Variants in FAM199X observed in about 807,000 individuals in gnomAD.
FAM199X encodes family with sequence similarity 199, X-linked.
Under a neutral mutation model 22.9 loss-of-function variants are expected in FAM199X, and 4 were observed. The observed-to-expected ratio is 0.17, with a 90% CI of 0.09 to 0.40. The LOEUF is 0.40. FAM199X is among the 10% of genes least tolerant of loss of function. FAM199X has a pLI of 1.00. For missense variants in FAM199X, 183 were observed against 306.8 expected, an observed-to-expected ratio of 0.60 and a Z score of 3.01; for synonymous variants, 101 against 112.3, an observed-to-expected ratio of 0.90 and a Z score of 0.64.
intron 1 of FAM199X, among the ~76,000 whole-genome samples, chrX:104,167,221 C>A (rs1556374229): frequency 9.5e-6 from 1 of 105,535 alleles, no homozygotes; most frequent in African/African-American, 3.5e-5. Context: ...AGCGACTCCT[C>A]CCTTCCCTAC....
At position 104,168,220 on chromosome X, in the gene FAM199X, T is replaced by C. The variant is rs1213806848; in HGVS notation, c.197+1238T>C. 1.9e-4 allele frequency among the ~76,000 whole-genome samples: 21 copies of C among 112,341 alleles called. No individual in the cohort carries two copies. The Admixed American group carries it at 2.0e-3, about 11-fold the overall frequency. On this transcript the variant is annotated intron_variant, in intron 1 of 5. Coordinates refer to ENST00000493442, the MANE Select transcript of FAM199X (RefSeq NM_207318.4). ...CATCTCAAAAGGAAGTGGCAGTAAATTTATTATGACTACTCTAAATCGTCA... is the reference window on the plus strand; with the variant it reads ...CATCTCAAAAGGAAGTGGCAGTAAACTTATTATGACTACTCTAAATCGTCA...
intron 1 of FAM199X, among the ~76,000 whole-genome samples, chrX:104,169,561 A>G (rs1424862527): frequency 1.8e-5 from 2 of 110,864 alleles, no homozygotes; most frequent in Non-Finnish European, 3.8e-5. Flanking sequence ...AATGGTTGCA[A>G]TATTCAGATT....
At chrX:104,167,128 C>T in intron 1 of FAM199X, 146 bp downstream of exon 1, 1 of 474,199 alleles carries the variant, frequency 2.1e-6, no homozygotes, top group Non-Finnish European at 3.2e-6. Context: ...TTCCCTGCCC[C>T]CCCTCCCTAT....
At chrX:104,180,697 T>C (rs1556377640) in intron 2 of FAM199X, among the ~76,000 whole-genome samples, 2 of 112,133 alleles carry the variant, frequency 1.8e-5, no homozygotes, top group Non-Finnish European at 3.8e-5. Context: ...GTCTTGTATT[T>C]GTGGGATTTT....
In FAM199X at chrX:104,192,870, A is replaced by T. The variant is rs1192350487; in HGVS notation, c.*3092A>T. 1 of 111,744 alleles carries T rather than the reference A, an allele frequency of 8.9e-6. No homozygotes were observed. Among genetic ancestry groups the T allele is most frequent in the East Asian group, 2.8e-4 (1 of 3,601 alleles). The allele number at this position is 111,744 out of a possible 1,213,427, so 9.2% of individuals were successfully genotyped here. On this transcript the variant is annotated 3_prime_UTR_variant, in exon 6 of 6. Transcript: ENST00000493442. Reference sequence around the variant, plus strand: ...CTTCTCATTTTATTTAGCTTTTAAAAGTGCTAAATCCTCTCATAAAGGAAA... The same window carrying T: ...CTTCTCATTTTATTTAGCTTTTAAATGTGCTAAATCCTCTCATAAAGGAAA...
intron 2 of FAM199X, among the ~76,000 whole-genome samples, chrX:104,182,317 CTATT>C (rs782152920): frequency 1.8e-5 from 2 of 111,013 alleles, no homozygotes; most frequent in Admixed American, 9.6e-5. Flanking sequence ...TTTTTCCTAT[CTATT>C]CCCATTTTTC....
the FAM199X span, among the ~76,000 whole-genome samples, chrX:104,160,845 C>T: frequency 9.0e-6 from 1 of 111,229 alleles, no homozygotes; most frequent in Non-Finnish European, 1.9e-5. Context: ...CATCTAGCAT[C>T]TCCTCCAAAG....
the FAM199X span, among the ~76,000 whole-genome samples, chrX:104,159,505 T>C: frequency 8.9e-6 from 1 of 112,779 alleles, no homozygotes; most frequent in Middle Eastern, 4.6e-3. Flanking sequence ...GTCGTACTCA[T>C]AGCATATTTT....
rs1556379569 is a variant in FAM199X, at chrX:104,188,037, A to G, written c.730-3A>G. 8.3e-7 allele frequency: 1 copy of G among 1,208,571 alleles called. No homozygotes were observed. The highest frequency in any genetic ancestry group is 1.8e-5 in the South Asian group (1 of 56,937). Reference sequence around the variant, plus strand: ...TAACCAGTTTGTGTTTGTGCATCCCAAGGTCAGAAACTATATCAAGGAACA... The same window carrying G: ...TAACCAGTTTGTGTTTGTGCATCCCGAGGTCAGAAACTATATCAAGGAACA... On this transcript the variant is annotated splice_region_variant and splice_polypyrimidine_tract_variant and intron_variant, in intron 4 of 5. Transcript: ENST00000493442.
intron 1 of FAM199X, among the ~76,000 whole-genome samples, chrX:104,168,055 C>G (rs1921258705): frequency 8.9e-6 from 1 of 111,859 alleles, no homozygotes; most frequent in Admixed American, 9.5e-5. Context: ...TCTCCCCTCC[C>G]TTCCCTTAAA....
intron 1 of FAM199X, among the ~76,000 whole-genome samples, chrX:104,174,579 T>C (rs1428907716): frequency 1.8e-5 from 2 of 111,652 alleles, no homozygotes; most frequent in Non-Finnish European, 3.8e-5. Flanking sequence ...ATTTCTAATA[T>C]TAAAAAATTA....
chrX:104,169,113 A>G (rs1556374783), intron 1 of FAM199X, among the ~76,000 whole-genome samples: 1 of 111,769 alleles, frequency 8.9e-6, no homozygotes, highest in African/African-American at 3.3e-5. Context: ...TGAGAGGACC[A>G]TAGGCTTCCA....
At chrX:104,187,993 G>T in intron 4 of FAM199X, 47 bp from the exon 5 acceptor site, 1 of 1,177,208 alleles carries the variant, frequency 8.5e-7, no homozygotes, top group South Asian at 1.8e-5. Context: ...TTTGAAGGTA[G>T]AACATCAAGG....
chrX:104,167,087 T>G (rs1556374188), intron 1 of FAM199X, 105 bp downstream of exon 1: 2 of 667,839 alleles, frequency 3.0e-6, no homozygotes, highest in Non-Finnish European at 4.0e-6. Flanking sequence ...CTCCCCCACC[T>G]GCTTTCGACC....
intron 1 of FAM199X, among the ~76,000 whole-genome samples, chrX:104,174,685 A>G (rs371799095): frequency 8.9e-6 from 1 of 111,859 alleles, no homozygotes. Flanking sequence ...TTTTCAAGTA[A>G]TATACTTAGG....
intron 2 of FAM199X, among the ~76,000 whole-genome samples, chrX:104,183,987 T>C (rs1921731034): frequency 8.9e-6 from 1 of 111,919 alleles, no homozygotes; most frequent in South Asian, 3.7e-4. Context: ...TATTTCTTTG[T>C]GATTGATTCC....
chrX:104,176,265 T>C (rs1441348595), intron 2 of FAM199X, among the ~76,000 whole-genome samples: 5 of 111,858 alleles, frequency 4.5e-5, no homozygotes, highest in African/African-American at 1.6e-4. Context: ...ATCAGAAATA[T>C]ATAATTTCTC....
At chrX:104,165,478 G>A (rs1420349091), upstream of FAM199X, among the ~76,000 whole-genome samples, 1 of 111,729 alleles carries the variant, frequency 9.0e-6, no homozygotes, top group African/African-American at 3.3e-5. Context: ...AAGGATCAAT[G>A]TAGTTTCTTC....
intron 1 of FAM199X, among the ~76,000 whole-genome samples, chrX:104,169,225 CA>C (rs781790875): frequency 8.9e-6 from 1 of 111,871 alleles, no homozygotes; most frequent in Admixed American, 9.5e-5. Context: ...TTTTCCTTCA[CA>C]TCACATCATT....
Sources: allele counts gnomAD v4.1 joint callset (sites outside exome capture counted in the v4.1 genomes callset), GRCh38; gene constraint gnomAD v4.1.1; transcripts MANE v1.5; gene names NCBI Gene and HGNC (gene_info 2026-07-23, HGNC 2026-07-21).